GRAMD1B: variants seen among roughly 807,000 people sequenced by gnomAD.
GRAMD1B encodes protein Aster-B.
In GRAMD1B, 37 loss-of-function variants were observed where a neutral mutation model predicts 99.7. The observed-to-expected ratio is 0.37, with a 90% CI of 0.29 to 0.49. The LOEUF is 0.49. Ranked by LOEUF, GRAMD1B falls within the 20% of genes least tolerant of loss-of-function variation. GRAMD1B has a pLI of 0.98. For missense variants in GRAMD1B, 888 were observed against 1,009.2 expected, an observed-to-expected ratio of 0.88 and a Z score of 1.63; for synonymous variants, 427 against 387.6, an observed-to-expected ratio of 1.10 and a Z score of -1.19.
At chr11:123,547,406 T>G (rs771732210) in intron 2 of GRAMD1B, among the ~76,000 whole-genome samples, 14 of 151,874 alleles carry the variant, frequency 9.2e-5, no homozygotes, top group Non-Finnish European at 1.9e-4. Context: ...AGTTGGGAGG[T>G]TTTTAGAGGG....
At chr11:123,594,863 G>A in intron 6 of GRAMD1B, 25 bp downstream of exon 6, 3 of 1,230,470 alleles carry the variant, frequency 2.4e-6, no homozygotes, top group Non-Finnish European at 3.6e-6. Flanking sequence ...ATGCTCCCTT[G>A]GGCTGTCTCC....
chr11:123,603,362 G>A (rs1952235067), intron 8 of GRAMD1B, 64 bp from the exon 9 acceptor site: 3 of 983,834 alleles, frequency 3.0e-6, no homozygotes, highest in Admixed American at 3.7e-5. Context: ...CCGGCTCAGT[G>A]CCTCTGTGCA....
At position 123,551,664 on chromosome 11, in the gene GRAMD1B, T is replaced by A. The variant is rs552237392; in HGVS notation, c.453-25703T>A. ...TGGGATTGTGGGCAAATGAAATTAC[T>A]CTAATTTGCATAATTAAGGCAAATT... On this transcript the variant is annotated intron_variant, in intron 2 of 19. Transcript: ENST00000635736. Among the ~76,000 whole-genome samples the A allele has an allele frequency of 2.6e-5, 4 of 152,340 alleles. No homozygotes were observed. In the South Asian group the frequency reaches 6.2e-4, roughly 24 times the overall value.
chr11:123,412,988 G>T (rs946325724), intron 1 of GRAMD1B, among the ~76,000 whole-genome samples: 1 of 152,090 alleles, frequency 6.6e-6, no homozygotes, highest in African/African-American at 2.4e-5. Context: ...CATCATATTG[G>T]TCAGGCTGGT....
At chr11:123,577,669 C>G in intron 3 of GRAMD1B, 92 bp downstream of exon 3, 1 of 947,532 alleles carries the variant, frequency 1.1e-6, no homozygotes, top group Admixed American at 2.0e-5. Flanking sequence ...TGCGAGGGTC[C>G]TCACGTGATG....
At chr11:123,574,855 C>G (rs988261150) in intron 2 of GRAMD1B, among the ~76,000 whole-genome samples, 9 of 152,158 alleles carry the variant, frequency 5.9e-5, no homozygotes, top group Non-Finnish European at 2.9e-5. Flanking sequence ...GACAGACTCA[C>G]CTTTAGGGAA....
intron 2 of GRAMD1B, among the ~76,000 whole-genome samples, chr11:123,576,501 CTT>C (rs996054044): frequency 1.3e-5 from 2 of 152,252 alleles, no homozygotes; most frequent in African/African-American, 4.8e-5. Flanking sequence ...TCTCTCATCT[CTT>C]CTTCTAGTCC....
intron 1 of GRAMD1B, among the ~76,000 whole-genome samples, chr11:123,399,108 T>C (rs1392688413): frequency 6.6e-6 from 1 of 152,224 alleles, no homozygotes; most frequent in Non-Finnish European, 1.5e-5. Flanking sequence ...TCCCAGTCTC[T>C]GGCAAACAAC....
At chr11:123,550,548 T>G (rs1324506509) in intron 2 of GRAMD1B, among the ~76,000 whole-genome samples, 2 of 152,022 alleles carry the variant, frequency 1.3e-5, no homozygotes, top group Non-Finnish European at 2.9e-5. Flanking sequence ...TTGTCTCTGG[T>G]TTAAAGGAAG....
intron 2 of GRAMD1B, among the ~76,000 whole-genome samples, chr11:123,491,077 A>T (rs1054463443): frequency 6.6e-6 from 1 of 152,192 alleles, no homozygotes. Flanking sequence ...TCACGCCTGT[A>T]ATCCCAGCAC....
At chr11:123,617,594 T>G (rs998427639) in intron 17 of GRAMD1B, among the ~76,000 whole-genome samples, 2 of 152,158 alleles carry the variant, frequency 1.3e-5, no homozygotes, top group African/African-American at 4.8e-5. Context: ...GCCGGGATAT[T>G]TTACAATATA....
At chr11:123,361,187 G>A (rs574888559) in intron 1 of GRAMD1B, among the ~76,000 whole-genome samples, 1 of 152,220 alleles carries the variant, frequency 6.6e-6, no homozygotes, top group East Asian at 1.9e-4. Context: ...TTCCACCATA[G>A]TAGTCATTTG....
At chr11:123,484,679 C>T (rs998753185) in intron 2 of GRAMD1B, among the ~76,000 whole-genome samples, 1 of 152,120 alleles carries the variant, frequency 6.6e-6, no homozygotes, top group Non-Finnish European at 1.5e-5. Flanking sequence ...CCCTCCAACC[C>T]CCAAAACCTC....
chr11:123,456,760 A>C (rs1565513685), intron 1 of GRAMD1B, among the ~76,000 whole-genome samples: 1 of 151,836 alleles, frequency 6.6e-6, no homozygotes, highest in Non-Finnish European at 1.5e-5. Context: ...TCTCTACTAA[A>C]TATACAAAAA....
chr11:123,408,814 C>T (rs1272443271), intron 1 of GRAMD1B, among the ~76,000 whole-genome samples: 1 of 152,226 alleles, frequency 6.6e-6, no homozygotes, highest in Non-Finnish European at 1.5e-5. Context: ...AACTCTGCCT[C>T]CTAACGCTGA....
chr11:123,445,554 C>T (rs1023133622), intron 1 of GRAMD1B, among the ~76,000 whole-genome samples: 2 of 151,894 alleles, frequency 1.3e-5, no homozygotes, highest in Non-Finnish European at 2.9e-5. Flanking sequence ...AGTGGCTTAC[C>T]CTTGTAATCC....
At chr11:123,435,688 A>G (rs1949126834) in intron 1 of GRAMD1B, 1 of 427,394 alleles carries the variant, frequency 2.3e-6, no homozygotes, top group Non-Finnish European at 4.2e-6. Flanking sequence ...ATAATGAGTA[A>G]ATAAATGATT....
At chr11:123,432,971 GTTCT>G (rs1189310710) in intron 1 of GRAMD1B, among the ~76,000 whole-genome samples, 1 of 152,192 alleles carries the variant, frequency 6.6e-6, no homozygotes, top group Non-Finnish European at 1.5e-5. Context: ...GGGGATAGAA[GTTCT>G]TTCTGTTTGG....
intron 1 of GRAMD1B, among the ~76,000 whole-genome samples, chr11:123,457,974 C>A (rs574486154): frequency 2.2e-4 from 33 of 152,312 alleles, no homozygotes; most frequent in Non-Finnish European, 4.3e-4. Context: ...CCTCGGCCTC[C>A]CAAAATGTTG....
Sources: gnomAD v4.1 joint callset for allele counts (sites outside exome capture counted in the v4.1 genomes callset) on GRCh38, gnomAD v4.1.1 for gene constraint, MANE v1.5 for transcripts, NCBI Gene and HGNC (gene_info 2026-07-23, HGNC 2026-07-21) for gene names.